The following FBXL2 variants were observed in gnomAD, a reference collection of about 807,000 sequenced individuals.
FBXL2 encodes F-box/LRR-repeat protein 2.
A neutral mutation model predicts 69.2 loss-of-function variants in FBXL2; 38 were observed. The ratio of observed to expected loss-of-function variants is 0.55; its 90% CI spans 0.42 to 0.72. FBXL2 has a LOEUF of 0.72. FBXL2 is among the 30% of genes least tolerant of loss of function. The probability of loss-of-function intolerance (pLI) is 0.00; values close to 1 mark genes in which losing one functional copy is unlikely to be tolerated. For missense variants in FBXL2, 354 were observed against 520.3 expected (o/e 0.68, Z 3.11); for synonymous variants, 192 against 201.3 (o/e 0.95, Z 0.39).
upstream of FBXL2, chr3:33,277,185 T>TAA (rs751643485): frequency 2.4e-4 from 69 of 291,342 alleles, no homozygotes; most frequent in East Asian, 4.9e-4. Context: ...ACGTTTTTTT[T>TAA]AAAAAAAAAA....
chr3:33,306,282 A>G (rs1277556425), intron 2 of FBXL2, among the ~76,000 whole-genome samples: 1 of 152,036 alleles, frequency 6.6e-6, no homozygotes, highest in South Asian at 2.1e-4. Flanking sequence ...AAAATACAAT[A>G]TATAGTCAGA....
At chr3:33,353,925 A>C (rs2041008070) in intron 2 of FBXL2, among the ~76,000 whole-genome samples, 1 of 152,096 alleles carries the variant, frequency 6.6e-6, no homozygotes, top group African/African-American at 2.4e-5. Flanking sequence ...GGTTCATGAG[A>C]AAGAGAGGAG....
chr3:33,414,779 C>T, the FBXL2 span, among the ~76,000 whole-genome samples: 16 of 152,154 alleles, frequency 1.1e-4, no homozygotes, highest in African/African-American at 3.9e-4. Context: ...GCTGGCTTAT[C>T]AAACAGAAGA....
the FBXL2 span, among the ~76,000 whole-genome samples, chr3:33,422,094 G>A: frequency 2.6e-5 from 4 of 152,116 alleles, no homozygotes; most frequent in Non-Finnish European, 4.4e-5. Context: ...CAAGTCTAGT[G>A]AGCTGAAGAT....
At chr3:33,393,385 T>C in intron 12 of FBXL2, 1 of 1,613,584 alleles carries the variant, frequency 6.2e-7, no homozygotes, top group Non-Finnish European at 8.5e-7. Context: ...GAGAGGGATA[T>C]TAAACACCAG....
chr3:33,416,026 C>T, the FBXL2 span: 1 of 152,184 alleles, frequency 6.6e-6, no homozygotes, highest in Admixed American at 6.6e-5. Flanking sequence ...GGCAGATCCA[C>T]AGAGGGCAGG....
At chr3:33,334,013 C>T (rs1218322891) in intron 2 of FBXL2, among the ~76,000 whole-genome samples, 1 of 152,068 alleles carries the variant, frequency 6.6e-6, no homozygotes, top group Non-Finnish European at 1.5e-5. Context: ...CCAGCTCCAG[C>T]TCAACTCTAG....
At chr3:33,310,421 A>G (rs1261897512) in intron 2 of FBXL2, among the ~76,000 whole-genome samples, 5 of 152,142 alleles carry the variant, frequency 3.3e-5, no homozygotes, top group Admixed American at 6.5e-5. Context: ...CCAAAGTGCT[A>G]GGATTACAGG....
the FBXL2 span, among the ~76,000 whole-genome samples, chr3:33,419,171 AAGAC>A: frequency 2.0e-5 from 3 of 152,256 alleles, no homozygotes; most frequent in African/African-American, 7.2e-5. Context: ...CCTGACCTCA[AAGAC>A]AGCCAGGAGC....
intron 1 of FBXL2, among the ~76,000 whole-genome samples, chr3:33,279,888 C>G (rs1345533386): frequency 6.6e-6 from 1 of 152,102 alleles, no homozygotes; most frequent in African/African-American, 2.4e-5. Flanking sequence ...AAGTAACTTG[C>G]CTAGGTCACC....
chr3:33,392,403 A>AT, downstream of FBXL2: 1 of 631,650 alleles, frequency 1.6e-6, no homozygotes, highest in Non-Finnish European at 2.5e-6. Context: ...TTATATGCTA[A>AT]TTTCTGTTAC....
chr3:33,370,759 G>A (rs2042246546), intron 5 of FBXL2, among the ~76,000 whole-genome samples: 1 of 152,106 alleles, frequency 6.6e-6, no homozygotes, highest in African/African-American at 2.4e-5. Context: ...GGGACTACAG[G>A]CACACACTAC....
the FBXL2 span, among the ~76,000 whole-genome samples, chr3:33,412,473 C>G: frequency 6.6e-6 from 1 of 151,628 alleles, no homozygotes; most frequent in Non-Finnish European, 1.5e-5. Flanking sequence ...ATCCTAGCTA[C>G]TTGGGAGGCT....
At position 33,384,027 on chromosome 3, in the gene FBXL2, C is replaced by A. The variant is rs761538473; in HGVS notation, c.990C>A (p.Ile330=). ...GTGAACTCATCACAGATGATGGGAT[C>A]CTGCACCTGAGCAACAGTACCTGTG... ...SHCELITDDG[I]LHLSNSTCGH... The change falls in exon 14 of 15, where the codon ATC becomes ATA. Residue 330 remains isoleucine (I), a synonymous_variant. Coordinates refer to ENST00000484457, the MANE Select transcript of FBXL2 (RefSeq NM_012157.5). 22 of 1,614,146 alleles carry A rather than the reference C, an allele frequency of 1.4e-5. No homozygotes were observed. In the South Asian group the frequency reaches 2.4e-4, roughly 18 times the overall value.
intron 5 of FBXL2, among the ~76,000 whole-genome samples, chr3:33,371,493 A>T (rs1317955044): frequency 6.6e-6 from 1 of 151,894 alleles, no homozygotes; most frequent in East Asian, 1.9e-4. Flanking sequence ...TAAAAGTTTA[A>T]CTTGGATCTC....
rs530350730 is a variant in FBXL2, at chr3:33,387,246, A to G, written c.*1638A>G. On this transcript the variant is annotated 3_prime_UTR_variant, in exon 15 of 15. Coordinates refer to ENST00000484457, the MANE Select transcript of FBXL2 (RefSeq NM_012157.5). ...AGGACTGATGCAGGAAGCAACTTCA[A>G]TAAATGAGCATATAACAGACTTGCT... is the stretch of plus-strand genomic sequence containing the variant. 2.0e-5 allele frequency: 3 copies of G among 152,358 alleles called. No homozygotes were observed. The highest frequency in any genetic ancestry group is 7.2e-5 in the African/African-American group (3 of 41,584). 9.4% of individuals were successfully genotyped at this position (152,358 alleles called of 1,614,324 possible).
intron 5 of FBXL2, chr3:33,372,788 T>G (rs1301177905): frequency 2.0e-6 from 1 of 495,122 alleles, no homozygotes; most frequent in Admixed American, 3.4e-5. Flanking sequence ...CATGATTCGG[T>G]GATGACTCAC....
intron 2 of FBXL2, among the ~76,000 whole-genome samples, chr3:33,313,075 G>A (rs2037355400): frequency 6.6e-6 from 1 of 151,054 alleles, no homozygotes; most frequent in Non-Finnish European, 1.5e-5. Context: ...AGCCAAGATT[G>A]TGCCACTGCA....
At chr3:33,296,884 C>G (rs1342358681) in intron 1 of FBXL2, among the ~76,000 whole-genome samples, 1 of 152,074 alleles carries the variant, frequency 6.6e-6, no homozygotes, top group African/African-American at 2.4e-5. Flanking sequence ...GGGTCCCTTG[C>G]ATTTTCATAT....
Sources: gnomAD v4.1 joint callset for allele counts (sites outside exome capture counted in the v4.1 genomes callset) on GRCh38, gnomAD v4.1.1 for gene constraint, MANE v1.5 for transcripts, NCBI Gene and HGNC (gene_info 2026-07-23, HGNC 2026-07-21) for gene names.